SLC25A26: variants seen among roughly 807,000 people sequenced by gnomAD.
SLC25A26 encodes solute carrier family 25 member 26, also known as mitochondrial S-adenosylmethionine carrier protein.
A neutral mutation model predicts 37.8 loss-of-function variants in SLC25A26; 36 were observed. The ratio of observed to expected loss-of-function variants is 0.95; its 90% CI spans 0.73 to 1.26. The LOEUF is 1.26. Ranked by LOEUF, SLC25A26 falls within the 50% of genes most tolerant of loss-of-function variation. The pLI, the probability that SLC25A26 is intolerant of heterozygous loss-of-function variation, is 0.00. For synonymous variants in SLC25A26, 129 were observed against 122.5 expected, an observed-to-expected ratio of 1.05 and a Z score of -0.35; for missense variants, 390 against 331.1, an observed-to-expected ratio of 1.18 and a Z score of -1.38.
At chr3:66,372,562 G>A (rs1700403838) in intron 9 of SLC25A26, among the ~76,000 whole-genome samples, 1 of 152,194 alleles carries the variant, frequency 6.6e-6, no homozygotes, top group Non-Finnish European at 1.5e-5. Flanking sequence ...TAAAGGTCAT[G>A]TGGAATTTTT....
intron 6 of SLC25A26, among the ~76,000 whole-genome samples, chr3:66,350,073 A>G (rs949578856): frequency 6.6e-6 from 1 of 152,142 alleles, no homozygotes; most frequent in African/African-American, 2.4e-5. Flanking sequence ...TGTGTTTACA[A>G]TTTTATCTAT....
intron 5 of SLC25A26, among the ~76,000 whole-genome samples, chr3:66,288,099 T>A (rs2074575515): frequency 6.6e-6 from 1 of 152,112 alleles, no homozygotes; most frequent in Admixed American, 6.6e-5. Context: ...CTTCTCCTAT[T>A]TGTGTGTGGA....
At chr3:66,282,151 A>G (rs968750296) in intron 5 of SLC25A26, among the ~76,000 whole-genome samples, 1 of 151,862 alleles carries the variant, frequency 6.6e-6, no homozygotes, top group African/African-American at 2.4e-5. Flanking sequence ...AGCTGGGACT[A>G]CAGGCGCCTG....
At chr3:66,327,092 T>C (rs2075857217) in intron 5 of SLC25A26, among the ~76,000 whole-genome samples, 1 of 152,204 alleles carries the variant, frequency 6.6e-6, no homozygotes, top group African/African-American at 2.4e-5. Flanking sequence ...TTCTGCTCTT[T>C]TAGGTGGGAA....
intron 9 of SLC25A26, 80 bp from the exon 10 acceptor site, chr3:66,377,610 A>C: frequency 3.6e-6 from 4 of 1,116,436 alleles, no homozygotes; most frequent in Non-Finnish European, 5.4e-6. Context: ...TGGTGTATTG[A>C]GCTGAGCAAG....
intron 1 of SLC25A26, among the ~76,000 whole-genome samples, chr3:66,223,381 A>G (rs1553659391): frequency 6.6e-6 from 1 of 152,110 alleles, no homozygotes; most frequent in Non-Finnish European, 1.5e-5. Context: ...AGGGGTTGGT[A>G]TGGGAGGGGT....
At chr3:66,297,360 A>G (rs955467181) in intron 5 of SLC25A26, among the ~76,000 whole-genome samples, 1 of 151,240 alleles carries the variant, frequency 6.6e-6, no homozygotes, top group Non-Finnish European at 1.5e-5. Flanking sequence ...AATGTCTGGC[A>G]TTAATTCTAG....
At chr3:66,335,905 G>A (rs1483031603) in intron 5 of SLC25A26, among the ~76,000 whole-genome samples, 1 of 152,144 alleles carries the variant, frequency 6.6e-6, no homozygotes, top group African/African-American at 2.4e-5. Flanking sequence ...TGGTGGGGAG[G>A]GAAGGAGGGA....
At position 66,147,808 on chromosome 3, in the gene SLC25A26, G is replaced by A. The variant is rs187306966; in HGVS notation, c.-354+13824G>A. 1.2e-4 allele frequency among the ~76,000 whole-genome samples: 18 copies of A among 152,146 alleles called. No individual in the cohort carries two copies. The East Asian group carries it at 3.3e-3, about 28-fold the overall frequency. ...GAGCCTTGCTCTGTCACCCAGGCTG[G>A]AGTACAGTGGCACGATCTCAGTTCA... On this transcript the variant is annotated intron_variant, in intron 1 of 10. Transcript: ENST00000676754.
At chr3:66,234,660 T>C (rs1388454172) in intron 1 of SLC25A26, among the ~76,000 whole-genome samples, 3 of 152,222 alleles carry the variant, frequency 2.0e-5, no homozygotes, top group Non-Finnish European at 4.4e-5. Flanking sequence ...ATTTCATTTT[T>C]CAAGTTAACT....
At chr3:66,248,216 A>G (rs2072934745) in intron 3 of SLC25A26, among the ~76,000 whole-genome samples, 2 of 152,248 alleles carry the variant, frequency 1.3e-5, no homozygotes, top group Admixed American at 1.3e-4. Context: ...TGAATCAGTG[A>G]AACTATAATT....
chr3:66,188,978 G>A (rs999555602), intron 1 of SLC25A26, among the ~76,000 whole-genome samples: 1 of 151,850 alleles, frequency 6.6e-6, no homozygotes, highest in Admixed American at 6.6e-5. Flanking sequence ...ACCTCACAAC[G>A]ATGCTGAACC....
At chr3:66,285,544 C>G (rs1234200111) in intron 5 of SLC25A26, among the ~76,000 whole-genome samples, 2 of 56,924 alleles carry the variant, frequency 3.5e-5, no homozygotes, top group Non-Finnish European at 6.5e-5. Context: ...ACTGCAACCT[C>G]TGCCTCCCGG....
At chr3:66,305,207 G>A (rs887592187) in intron 5 of SLC25A26, among the ~76,000 whole-genome samples, 8 of 152,138 alleles carry the variant, frequency 5.3e-5, no homozygotes, top group East Asian at 3.8e-4. Context: ...GAGAAGCAGC[G>A]TCTAAATTTA....
intron 1 of SLC25A26, among the ~76,000 whole-genome samples, chr3:66,235,748 G>T (rs1298017389): frequency 6.6e-6 from 1 of 152,110 alleles, no homozygotes; most frequent in African/African-American, 2.4e-5. Flanking sequence ...TCTTTTTAAA[G>T]AAAATGAGAC....
chr3:66,182,703 C>A (rs1210849750), intron 1 of SLC25A26, among the ~76,000 whole-genome samples: 1 of 60,692 alleles, frequency 1.6e-5, no homozygotes, highest in African/African-American at 8.2e-5. Context: ...CGGCCTCAAC[C>A]TGCAGTGGGC....
At chr3:66,286,046 T>G (rs1354054368) in intron 5 of SLC25A26, among the ~76,000 whole-genome samples, 1 of 152,232 alleles carries the variant, frequency 6.6e-6, no homozygotes, top group African/African-American at 2.4e-5. Flanking sequence ...CTTTTTCTCA[T>G]TTTTAATTGT....
At chr3:66,253,179 G>A (rs1576720879) in intron 3 of SLC25A26, among the ~76,000 whole-genome samples, 3 of 152,050 alleles carry the variant, frequency 2.0e-5, no homozygotes, top group East Asian at 3.9e-4. Context: ...AGGCTAAGGC[G>A]GGCGGATCGT....
At chr3:66,317,230 A>G (rs2075564746) in intron 5 of SLC25A26, among the ~76,000 whole-genome samples, 1 of 152,176 alleles carries the variant, frequency 6.6e-6, no homozygotes, top group Non-Finnish European at 1.5e-5. Flanking sequence ...ATTCTTTATC[A>G]TCTTCATGGG....
Sources: allele counts gnomAD v4.1 joint callset (sites outside exome capture counted in the v4.1 genomes callset), GRCh38; gene constraint gnomAD v4.1.1; transcripts MANE v1.5; gene names NCBI Gene and HGNC (gene_info 2026-07-23, HGNC 2026-07-21).